TG: variants seen among roughly 807,000 people sequenced by gnomAD.
The protein encoded by TG is thyroglobulin.
Under a neutral mutation model 324.7 loss-of-function variants are expected in TG, and 270 were observed. That is an observed-to-expected ratio of 0.83 (90% confidence interval 0.75 to 0.92). The LOEUF (loss-of-function observed/expected upper bound fraction) is 0.92, where lower values mean the gene tolerates loss of function less well. Among genes scored for constraint, TG ranks in the 40% least tolerant of loss-of-function variants. The pLI is 0.00. For missense variants in TG, 3,591 were observed against 3,456.4 expected, an observed-to-expected ratio of 1.04 and a Z score of -0.98; for synonymous variants, 1,401 against 1,327.0, an observed-to-expected ratio of 1.06 and a Z score of -1.21.
intron 41 of TG, among the ~76,000 whole-genome samples, chr8:133,072,143 C>T (rs906829055): frequency 6.6e-6 from 1 of 152,190 alleles, no homozygotes; most frequent in South Asian, 2.1e-4. Context: ...CATATACACA[C>T]CAAGTCCTCC....
Position 133,048,033 on chromosome 8 carries a change from C to T in TG, c.7239+18010C>T, listed in dbSNP as rs976871572. The stretch of plus-strand genomic sequence containing the variant: ...CGTACTAAGCACCTGAAACCTAATC[C>T]TCACCTCAACCCACTGAGACAGGAA... On this transcript the variant is annotated intron_variant, in intron 41 of 47. Coordinates refer to ENST00000220616, the MANE Select transcript of TG (RefSeq NM_003235.5). 1.1e-5 allele frequency: 7 copies of T among 651,374 alleles called. No individual in the cohort carries two copies. The African/African-American group carries it at 1.1e-4, about 10-fold the overall frequency. 40.3% of individuals were successfully genotyped at this position (651,374 alleles called of 1,614,324 possible).
intron 45 of TG, among the ~76,000 whole-genome samples, chr8:133,119,792 C>T (rs543381100): frequency 9.2e-5 from 14 of 152,306 alleles, no homozygotes; most frequent in Admixed American, 6.5e-4. Flanking sequence ...TAGCAGTAAC[C>T]CACCCGCGGC....
chr8:132,879,648 G>C (rs191567790), intron 5 of TG, among the ~76,000 whole-genome samples: 1 of 152,360 alleles, frequency 6.6e-6, no homozygotes, highest in Admixed American at 6.5e-5. Context: ...CAGCCCTAGA[G>C]AGCCCAGAAG....
intron 26 of TG, among the ~76,000 whole-genome samples, chr8:132,946,255 A>G (rs1480813657): frequency 2.6e-5 from 4 of 152,160 alleles, no homozygotes; most frequent in African/African-American, 9.7e-5. Flanking sequence ...AGGATCATAT[A>G]TGGAAGAATG....
At chr8:132,976,250 T>G (rs1259436476) in intron 34 of TG, among the ~76,000 whole-genome samples, 1 of 152,176 alleles carries the variant, frequency 6.6e-6, no homozygotes, top group East Asian at 1.9e-4. Context: ...TTCTGGAGAC[T>G]GGAGAGTCAA....
At chr8:132,904,127 A>T (rs1818329073) in intron 16 of TG, among the ~76,000 whole-genome samples, 2 of 152,158 alleles carry the variant, frequency 1.3e-5, no homozygotes, top group Admixed American at 1.3e-4. Flanking sequence ...TAAGCTCTCT[A>T]GGCTTCAGGG....
intron 10 of TG, among the ~76,000 whole-genome samples, chr8:132,889,920 G>C (rs1815987676): frequency 6.6e-6 from 1 of 152,054 alleles, no homozygotes; most frequent in Non-Finnish European, 1.5e-5. Context: ...GGGATTACAG[G>C]TGCCTGCCAC....
chr8:133,068,995 A>G (rs556875629), intron 41 of TG, among the ~76,000 whole-genome samples: 24 of 152,374 alleles, frequency 1.6e-4, no homozygotes, highest in South Asian at 6.2e-4. Flanking sequence ...AACATTGGCA[A>G]TGAAGAAAGA....
At chr8:132,988,339 A>G (rs192807220) in intron 35 of TG, among the ~76,000 whole-genome samples, 37 of 152,282 alleles carry the variant, frequency 2.4e-4, no homozygotes, top group Non-Finnish European at 4.6e-4. Context: ...AGGGCACTGC[A>G]TGTGTGGAAG....
chr8:133,106,459 G>A lies in TG; in HGVS notation c.7573-6963G>A, dbSNP rs1001477700. 1.2e-5 allele frequency: 12 copies of A among 985,196 alleles called. No individual in the cohort carries two copies. The African/African-American group carries it at 1.7e-4, about 14-fold the overall frequency. The allele number at this position is 985,196 out of a possible 1,614,324, so 61.0% of individuals were successfully genotyped here. A position where few individuals can be genotyped will look rare whatever the true frequency, so the allele number is the denominator to read the frequency against. ...GAAGCTCTTCTCCCAGGTCCCGCCT[G>A]AAGCAAAAAAGCAAAAGGTAGGGTG... On this transcript the variant is annotated intron_variant, in intron 43 of 47. Transcript: ENST00000220616.
chr8:133,093,135 TTTTC>T (rs1472225799), intron 41 of TG, among the ~76,000 whole-genome samples: 1 of 69,870 alleles, frequency 1.4e-5, no homozygotes, highest in African/African-American at 5.7e-5. Context: ...TTTTCTTTTC[TTTTC>T]TTTTTTTTTT....
rs1437201582 is a variant in TG, at chr8:133,096,211, G to A, written c.7410G>A (p.Leu2470=). Residue 2470 remains leucine, a synonymous_variant, in exon 43 of 48, where the codon CTG becomes CTA. Transcript: ENST00000220616. ...NVLNDAQTKL[L]AVSGPFHYWG... ...TATTGTTGCATCCAATGCAGCTCCT[G>A]GCCGTGAGTGGCCCTTTCCACTACT... 1 of 1,614,108 alleles carries A rather than the reference G, an allele frequency of 6.2e-7. No individual in the cohort carries two copies. The highest frequency in any genetic ancestry group is 1.3e-5 in the African/African-American group (1 of 74,936).
At chr8:133,035,896 T>C (rs1837067546) in intron 41 of TG, among the ~76,000 whole-genome samples, 1 of 152,220 alleles carries the variant, frequency 6.6e-6, no homozygotes, top group Non-Finnish European at 1.5e-5. Flanking sequence ...ACCCCCTACT[T>C]GGATCCTTTC....
intron 29 of TG, among the ~76,000 whole-genome samples, chr8:132,965,880 A>G (rs1490833431): frequency 1.3e-5 from 2 of 152,200 alleles, no homozygotes; most frequent in Admixed American, 1.3e-4. Flanking sequence ...TGAAAATGCA[A>G]GTAGAGCCCA....
chr8:132,913,006 GTACAGTGGGGGTGACCTC>G, intron 19 of TG, 23 bp from the exon 20 acceptor site: 1 of 1,597,932 alleles, frequency 6.3e-7, no homozygotes, highest in African/African-American at 1.3e-5. Context: ...CCCTAGCAGA[GTACAGTGGGGGTGACCTC>G]TACCTTATCC....
intron 15 of TG, among the ~76,000 whole-genome samples, 153 bp downstream of exon 15, chr8:132,900,492 A>G (rs543021657): frequency 3.3e-5 from 5 of 152,298 alleles, no homozygotes; most frequent in African/African-American, 1.2e-4. Context: ...TTTCTCATCT[A>G]TGAAATCGGG....
intron 35 of TG, chr8:132,995,137 T>G: frequency 1.0e-6 from 1 of 973,318 alleles, no homozygotes; most frequent in Non-Finnish European, 1.2e-6. Flanking sequence ...TCTCAGTCTC[T>G]GTTCTAATTC....
intron 43 of TG, chr8:133,106,280 C>A: frequency 2.5e-6 from 1 of 398,024 alleles, no homozygotes; most frequent in Non-Finnish European, 3.4e-6. Context: ...TTGGGGTTTG[C>A]AGCAGGAGGC....
At chr8:133,112,446 G>T (rs556088586) in intron 43 of TG, among the ~76,000 whole-genome samples, 1 of 152,214 alleles carries the variant, frequency 6.6e-6, no homozygotes, top group Admixed American at 6.5e-5. Context: ...ACTGGGTCCT[G>T]GGGGAAGGCA....
Sources: gnomAD v4.1 joint callset for allele counts (sites outside exome capture counted in the v4.1 genomes callset) on GRCh38, gnomAD v4.1.1 for gene constraint, MANE v1.5 for transcripts, NCBI Gene and HGNC (gene_info 2026-07-23, HGNC 2026-07-21) for gene names.